The following SYCP1 variants were observed in gnomAD, a reference collection of about 807,000 sequenced individuals.
SYCP1 encodes the protein cancer/testis antigen 8.
SYCP1 carries 64 observed loss-of-function variants against 153.1 expected under a neutral mutation model. The ratio of observed to expected loss-of-function variants is 0.42; its 90% CI spans 0.34 to 0.51. The LOEUF (loss-of-function observed/expected upper bound fraction) is 0.51, where lower values mean the gene tolerates loss of function less well. Ranked by LOEUF, SYCP1 falls within the 20% of genes least tolerant of loss-of-function variation. The pLI is 0.06. For missense variants in SYCP1, 997 were observed against 1,049.0 expected (o/e 0.95, Z 0.68); for synonymous variants, 384 against 341.8 (o/e 1.12, Z -1.36).
At chr1:114,990,274 T>G (rs1441303622) in intron 30 of SYCP1, among the ~76,000 whole-genome samples, 3 of 151,864 alleles carry the variant, frequency 2.0e-5, no homozygotes, top group Admixed American at 6.6e-5. Flanking sequence ...ACAAGGGAAA[T>G]TAGAAAATAC....
At position 114,946,281 on chromosome 1, in the gene SYCP1, T is replaced by G. The variant is rs2101826499; in HGVS notation, c.2155-8T>G. The stretch of plus-strand genomic sequence containing the variant: ...ATATATCTAAAATGTCTTCTTTGTT[T>G]AATATAGCACCAATATGATAAGATC... On this transcript the variant is annotated splice_region_variant and splice_polypyrimidine_tract_variant and intron_variant, in intron 25 of 31. Coordinates refer to ENST00000369522, the MANE Select transcript of SYCP1 (RefSeq NM_003176.4). The G allele has an allele frequency of 6.6e-7, 1 of 1,508,138 alleles. No individual in the cohort carries two copies. Among genetic ancestry groups the G allele is most frequent in the East Asian group, 2.6e-5 (1 of 38,490 alleles). 93.4% of individuals were successfully genotyped at this position (1,508,138 alleles called of 1,614,324 possible).
At chr1:114,938,837 T>C (rs2101798382) in intron 23 of SYCP1, among the ~76,000 whole-genome samples, 1 of 152,114 alleles carries the variant, frequency 6.6e-6, no homozygotes, top group East Asian at 1.9e-4. Context: ...TCAGTAATCA[T>C]TGCAAATCAA....
intron 27 of SYCP1, among the ~76,000 whole-genome samples, chr1:114,970,624 CT>C (rs1359934047): frequency 2.7e-5 from 4 of 150,208 alleles, no homozygotes; most frequent in Non-Finnish European, 5.9e-5. Flanking sequence ...GGTGCTCTCC[CT>C]CTTCCCCTAG....
chr1:114,959,875 A>G (rs1391232497), intron 27 of SYCP1, among the ~76,000 whole-genome samples: 2 of 152,154 alleles, frequency 1.3e-5, no homozygotes, highest in African/African-American at 2.4e-5. Flanking sequence ...TTCACTTAAC[A>G]TAATGACCTC....
intron 12 of SYCP1, among the ~76,000 whole-genome samples, chr1:114,884,748 T>C (rs2101539017): frequency 6.6e-6 from 1 of 152,324 alleles, no homozygotes; most frequent in South Asian, 2.1e-4. Context: ...ATAATTATCA[T>C]TATTCTAACA....
intron 26 of SYCP1, 44 bp from the exon 27 acceptor site, chr1:114,947,202 A>G: frequency 7.2e-7 from 1 of 1,393,296 alleles, no homozygotes; most frequent in Non-Finnish European, 1.0e-6. Flanking sequence ...TGTCTTGAGA[A>G]ATACATGGAA....
At chr1:114,911,133 G>C (rs560862229) in intron 17 of SYCP1, among the ~76,000 whole-genome samples, 3 of 151,686 alleles carry the variant, frequency 2.0e-5, no homozygotes, top group Non-Finnish European at 4.4e-5. Flanking sequence ...GAACATTTTA[G>C]TTTTTTAAGA....
intron 27 of SYCP1, among the ~76,000 whole-genome samples, chr1:114,966,356 C>G (rs921183346): frequency 2.0e-5 from 3 of 152,034 alleles, no homozygotes; most frequent in African/African-American, 4.8e-5. Context: ...CAGTTCTGCT[C>G]TGATCTTAAT....
chr1:114,893,608 TCA>T (rs1159436853), intron 15 of SYCP1, among the ~76,000 whole-genome samples: 1 of 152,212 alleles, frequency 6.6e-6, no homozygotes, highest in Non-Finnish European at 1.5e-5. Context: ...TTAGTTTTTT[TCA>T]CAGTTTAATT....
At chr1:114,871,277 C>T (rs972919004) in intron 8 of SYCP1, among the ~76,000 whole-genome samples, 2 of 151,686 alleles carry the variant, frequency 1.3e-5, no homozygotes, top group African/African-American at 2.4e-5. Flanking sequence ...AAGTGATTCT[C>T]GTGCTTCAGC....
In SYCP1 at chr1:114,913,115, A is replaced by T; in HGVS notation, c.1612A>T (p.Thr538Ser). Reference protein sequence around the residue: ...KELTQETSDMTLELKNQQEDI... With the variant: ...KELTQETSDMSLELKNQQEDI... ...GCTCACACAGGAAACAAGTGATATG[A>T]CCCTAGAACTCAAGAATCAGCAAGA... The change falls in exon 19 of 32, where the codon ACC becomes TCC. Residue 538 changes from threonine to serine, a missense_variant. Around this residue, in one of 2 missense-constraint regions of SYCP1, gnomAD observed 712 missense variants for 682.9 expected, o/e 1.04. Transcript: ENST00000369522. The T allele has an allele frequency of 6.2e-7, 1 of 1,612,048 alleles. No individual in the cohort carries two copies. Among genetic ancestry groups the T allele is most frequent in the Non-Finnish European group, 8.5e-7 (1 of 1,178,862 alleles).
rs370673105 is a variant in SYCP1, at chr1:114,907,988, T to C, written c.1321-2409T>C. Among the ~76,000 whole-genome samples the C allele has an allele frequency of 2.6e-4, 39 of 152,288 alleles. No individual in the cohort carries two copies. In the East Asian group the frequency reaches 6.2e-3, roughly 24 times the overall value. ...AATAACTTGAAGAAAAATGATCTTT[T>C]ATATTTATTGCAATATTTACCAGTT... On this transcript the variant is annotated intron_variant, in intron 16 of 31. Transcript: ENST00000369522.
At chr1:114,857,157 A>AAAAAAAAAAAAAAAAAAAAAAT in intron 3 of SYCP1, 75 bp from the exon 4 acceptor site, 1 of 880,802 alleles carries the variant, frequency 1.1e-6, no homozygotes, top group African/African-American at 1.8e-5. Context: ...AAAAAAAAAA[A>AAAAAAAAAAAAAAAAAAAAAAT]GAGAAAAAAG....
chr1:114,943,221 C>T (rs1670497445), intron 23 of SYCP1, among the ~76,000 whole-genome samples: 1 of 151,858 alleles, frequency 6.6e-6, no homozygotes, highest in East Asian at 1.9e-4. Flanking sequence ...GTAACCTGCC[C>T]TATGACCCGG....
At chr1:114,917,461 T>G (rs963868312) in intron 20 of SYCP1, among the ~76,000 whole-genome samples, 20 of 152,142 alleles carry the variant, frequency 1.3e-4, no homozygotes, top group African/African-American at 4.8e-4. Context: ...AGAGTGCAAA[T>G]GTCTCTTAGA....
intron 9 of SYCP1, among the ~76,000 whole-genome samples, chr1:114,875,171 GAT>G (rs1042594168): frequency 5.6e-4 from 69 of 122,690 alleles, no homozygotes; most frequent in African/African-American, 1.6e-3. Flanking sequence ...GCATGTATTT[GAT>G]ATGTGTGTGT....
At position 114,981,476 on chromosome 1, in the gene SYCP1, A is replaced by G. The variant is rs1038669624; in HGVS notation, c.2523A>G (p.Thr841=). The part of the protein sequence containing the change: ...ISKDKRDYLW[T]SAKNTLSTPL... Reference sequence around the variant, plus strand: ...AAGATAAAAGAGACTATCTGTGGACATCTGCCAAAAATACTTTATCTACAC... The same window carrying G: ...AAGATAAAAGAGACTATCTGTGGACGTCTGCCAAAAATACTTTATCTACAC... Residue 841 remains threonine (T), a synonymous_variant, in exon 29 of 32, where the codon ACA becomes ACG. Transcript: ENST00000369522. The G allele has an allele frequency of 6.2e-7, 1 of 1,601,488 alleles. No individual in the cohort carries two copies. The highest frequency in any genetic ancestry group is 1.3e-5 in the African/African-American group (1 of 74,306).
In SYCP1 at chr1:114,878,087, AT is replaced by A; in HGVS notation, c.802-3del. ...CATATTGATAATGTATTATTTAAAT[AT>A]TTTAGGTATCACTACTATTGATCCA... On this transcript the variant is annotated splice_region_variant and splice_polypyrimidine_tract_variant and intron_variant, in intron 11 of 31. Coordinates refer to ENST00000369522, the MANE Select transcript of SYCP1 (RefSeq NM_003176.4). The A allele has an allele frequency of 7.0e-7, 1 of 1,429,116 alleles. No homozygotes were observed. Among genetic ancestry groups the A allele is most frequent in the East Asian group, 2.3e-5 (1 of 43,496 alleles). 88.5% of individuals were successfully genotyped at this position (1,429,116 alleles called of 1,614,324 possible). A position where few individuals can be genotyped will look rare whatever the true frequency, so the allele number is the denominator to read the frequency against.
chr1:114,858,861 T>A (rs1185208568), intron 6 of SYCP1, 150 bp downstream of exon 6: 9 of 677,988 alleles, frequency 1.3e-5, no homozygotes, highest in East Asian at 2.6e-5. Context: ...ACATCAATAC[T>A]GGATACATTT....
Sources: gnomAD v4.1 joint callset for allele counts (sites outside exome capture counted in the v4.1 genomes callset) on GRCh38, gnomAD v4.1.1 for gene constraint, gnomAD v4.1.1 regional missense constraint, MANE v1.5 for transcripts, NCBI Gene and HGNC (gene_info 2026-07-23, HGNC 2026-07-21) for gene names.